The following USP24 variants were observed in gnomAD, a reference collection of about 807,000 sequenced individuals.
USP24 encodes the protein ubiquitin specific peptidase 24.
USP24 carries 97 observed loss-of-function variants against 361.6 expected under a neutral mutation model. That is an observed-to-expected ratio of 0.27 (90% CI 0.23 to 0.32). USP24 has a LOEUF of 0.32. Ranked by LOEUF, USP24 falls within the 10% of genes least tolerant of loss-of-function variation. The pLI is 1.00. For synonymous variants in USP24, 1,098 were observed against 1,124.6 expected (o/e 0.98, Z 0.47); for missense variants, 2,353 against 3,165.6 (o/e 0.74, Z 6.16).
chr1:55,127,513 T>C (rs964857839), intron 32 of USP24, among the ~76,000 whole-genome samples: 1 of 152,226 alleles, frequency 6.6e-6, no homozygotes, highest in African/African-American at 2.4e-5. Flanking sequence ...TTGTGAATAG[T>C]GCCGCAATAA....
At chr1:55,097,393 C>CT (rs1264076652) in intron 48 of USP24, among the ~76,000 whole-genome samples, 6 of 152,150 alleles carry the variant, frequency 3.9e-5, no homozygotes, top group Non-Finnish European at 8.8e-5. Context: ...ATAGTAATCA[C>CT]TAGGATGCCT....
chr1:55,137,415 TA>T (rs1428233504), intron 28 of USP24, 99 bp downstream of exon 28: 18 of 1,358,284 alleles, frequency 1.3e-5, no homozygotes, highest in Non-Finnish European at 1.6e-5. Flanking sequence ...GCTTGAACAC[TA>T]ATGAATCCCA....
In USP24 at chr1:55,097,733, A is replaced by AT; in HGVS notation, c.5596-17_5596-16insA. ...CTGTTATTCTCTAAAGAAAAAAAAA[A>AT]GGAAAAAGAGCAAATCTGAATGATC... On this transcript the variant is annotated splice_polypyrimidine_tract_variant and intron_variant, in intron 47 of 67. Coordinates refer to ENST00000294383, the MANE Select transcript of USP24 (RefSeq NM_015306.3). The AT allele has an allele frequency of 6.6e-7, 1 of 1,524,598 alleles. No individual in the cohort carries two copies. Among genetic ancestry groups the AT allele is most frequent in the Non-Finnish European group, 8.8e-7 (1 of 1,140,900 alleles). 94.4% of individuals were successfully genotyped at this position (1,524,598 alleles called of 1,614,324 possible).
intron 1 of USP24, among the ~76,000 whole-genome samples, chr1:55,181,164 CATAAAT>C (rs1471799916): frequency 6.6e-6 from 1 of 151,586 alleles, no homozygotes; most frequent in Non-Finnish European, 1.5e-5. Context: ...AGAAAAAGAT[CATAAAT>C]ATAAAGCAGA....
intron 1 of USP24, among the ~76,000 whole-genome samples, chr1:55,198,082 A>C (rs954254076): frequency 6.6e-6 from 1 of 152,190 alleles, no homozygotes; most frequent in Non-Finnish European, 1.5e-5. Flanking sequence ...TTCTGCACAA[A>C]TTTTTACTAC....
At chr1:55,179,180 T>C (rs879186133) in intron 1 of USP24, among the ~76,000 whole-genome samples, 13 of 152,190 alleles carry the variant, frequency 8.5e-5, no homozygotes, top group Admixed American at 2.6e-4. Flanking sequence ...GTATCGGACC[T>C]TCTGCCCACT....
At chr1:55,101,997 C>A (rs1645647384) in intron 42 of USP24, among the ~76,000 whole-genome samples, 1 of 152,104 alleles carries the variant, frequency 6.6e-6, no homozygotes, top group Non-Finnish European at 1.5e-5. Context: ...TGATTAAATA[C>A]CCTTCTATCT....
At chr1:55,158,802 T>C (rs1479423825) in intron 10 of USP24, 76 bp downstream of exon 10, 4 of 1,185,506 alleles carry the variant, frequency 3.4e-6, no homozygotes, top group South Asian at 4.0e-5. Flanking sequence ...CCAAAATTGT[T>C]ATATTAATAA....
intron 56 of USP24, among the ~76,000 whole-genome samples, chr1:55,085,051 T>A (rs1174068041): frequency 6.6e-6 from 1 of 152,252 alleles, no homozygotes; most frequent in Non-Finnish European, 1.5e-5. Context: ...CAGCTGCTCC[T>A]GTGGCTTGTA....
chr1:55,097,896 G>A, intron 47 of USP24, 47 bp downstream of exon 47: 25 of 1,559,380 alleles, frequency 1.6e-5, no homozygotes, highest in Non-Finnish European at 2.2e-5. Context: ...GACGCACTAT[G>A]CGAATAACAA....
chr1:55,115,114 ATG>A (rs1646068166), intron 38 of USP24, among the ~76,000 whole-genome samples: 1 of 152,234 alleles, frequency 6.6e-6, no homozygotes, highest in Non-Finnish European at 1.5e-5. Context: ...GAAGACATTT[ATG>A]TGGTCAAGAA....
chr1:55,067,937 AAAAT>A lies in USP24; in HGVS notation c.*1104_*1107del, dbSNP rs929834168. Reference sequence around the variant, plus strand: ...CAATTGCTTTATATTTATTTCTGGGAAAATAAATCTTAAACCTTGACTGACTTTT... The same window carrying A: ...CAATTGCTTTATATTTATTTCTGGGAAAATCTTAAACCTTGACTGACTTTT... On this transcript the variant is annotated 3_prime_UTR_variant, in exon 68 of 68. Transcript: ENST00000294383. The A allele has an allele frequency of 6.6e-6, 1 of 152,226 alleles. No homozygotes were observed. The highest frequency in any genetic ancestry group is 2.4e-5 in the African/African-American group (1 of 41,458). 9.4% of individuals were successfully genotyped at this position (152,226 alleles called of 1,614,324 possible). A position where few individuals can be genotyped will look rare whatever the true frequency, so the allele number is the denominator to read the frequency against.
intron 62 of USP24, among the ~76,000 whole-genome samples, chr1:55,076,828 A>C (rs1645039361): frequency 6.6e-6 from 1 of 152,210 alleles, no homozygotes; most frequent in South Asian, 2.1e-4. Context: ...ACGTACATAC[A>C]GTCAATAGTG....
chr1:55,138,821 A>G, intron 25 of USP24, 103 bp from the exon 26 acceptor site: 2 of 1,322,176 alleles, frequency 1.5e-6, no homozygotes, highest in East Asian at 2.5e-5. Flanking sequence ...TTTTTTAAGA[A>G]AAGAGAGGCT....
At chr1:55,209,496 T>TA (rs1644799052) in intron 1 of USP24, among the ~76,000 whole-genome samples, 1 of 152,206 alleles carries the variant, frequency 6.6e-6, no homozygotes, top group African/African-American at 2.4e-5. Context: ...CCTTGACCAC[T>TA]AAGCTGCTAC....
At position 55,153,843 on chromosome 1, in the gene USP24, T is replaced by G. The variant is rs546137044; in HGVS notation, c.1860+27A>C. The G allele has an allele frequency of 3.6e-5, 56 of 1,544,886 alleles. No individual in the cohort carries two copies. In the African/African-American group the frequency reaches 5.1e-4, roughly 14 times the overall value. ...GAAATTATTAAACTAGTATACCTTT[T>G]AGTTGGTTCCATCTGCAAATTCTTA... On this transcript the variant is annotated intron_variant, in intron 16 of 67. Coordinates refer to ENST00000294383, the MANE Select transcript of USP24 (RefSeq NM_015306.3).
intron 10 of USP24, among the ~76,000 whole-genome samples, chr1:55,157,589 T>C (rs529489374): frequency 1.6e-4 from 25 of 152,222 alleles, no homozygotes; most frequent in African/African-American, 2.9e-4. Flanking sequence ...TCCCAGCACA[T>C]TGGGAGGCCA....
chr1:55,081,754 T>C (rs1645153558), intron 58 of USP24, among the ~76,000 whole-genome samples: 1 of 152,192 alleles, frequency 6.6e-6, no homozygotes. Flanking sequence ...TGTGAGTGAG[T>C]TCTTCACCAC....
rs928128284 is a variant in USP24, at chr1:55,134,347, C to T, written c.3268G>A (p.Ala1090Thr). Residue 1090 changes from alanine to threonine, a missense_variant, in exon 29 of 68, where the codon GCC (alanine) becomes ACC (threonine). This residue lies in a region of USP24 where 949 missense variants were observed against 1,280.5 expected (regional missense o/e 0.74). Transcript: ENST00000294383. Reference protein sequence around the residue: ...CNVFDMLYQLANLEEPRITLR... With the variant: ...CNVFDMLYQLTNLEEPRITLR... ...ATTTACCTTGGCTCTTCCAGATTGG[C>T]GAGCTGATAAAGCATGTCAAATACG... The T allele has an allele frequency of 2.5e-6, 4 of 1,612,386 alleles. No individual in the cohort carries two copies. The African/African-American group carries it at 4.0e-5, about 16-fold the overall frequency.
Sources: allele counts gnomAD v4.1 joint callset (sites outside exome capture counted in the v4.1 genomes callset), GRCh38; gene constraint gnomAD v4.1.1; regional missense constraint gnomAD v4.1.1; transcripts MANE v1.5; gene names NCBI Gene and HGNC (gene_info 2026-07-23, HGNC 2026-07-21).